Variants in WWOX observed in about 807,000 individuals in gnomAD.
WWOX encodes WW domain containing oxidoreductase, also known as WW domain-containing oxidoreductase.
Under a neutral mutation model 46.2 loss-of-function variants are expected in WWOX, and 69 were observed. That is an observed-to-expected ratio of 1.49 (90% confidence interval 1.23 to 1.82). The LOEUF (loss-of-function observed/expected upper bound fraction) is 1.82. Ranked by LOEUF, WWOX falls within the 40% of genes most tolerant of loss-of-function variation. WWOX has a pLI of 0.00. For synonymous variants in WWOX, 359 were observed against 202.6 expected (o/e 1.77, Z -6.56); for missense variants, 919 against 542.6 (o/e 1.69, Z -6.89).
chr16:78,383,562 G>C (rs2081999919), intron 5 of WWOX, among the ~76,000 whole-genome samples: 1 of 152,158 alleles, frequency 6.6e-6, no homozygotes, highest in Non-Finnish European at 1.5e-5. Context: ...TTTGCAATCT[G>C]TCAGCCACTA....
intron 8 of WWOX, among the ~76,000 whole-genome samples, chr16:79,125,457 A>G (rs2049731922): frequency 6.6e-6 from 1 of 152,208 alleles, no homozygotes. Flanking sequence ...ACAGCTTCTT[A>G]ATTACGCTTT....
intron 8 of WWOX, among the ~76,000 whole-genome samples, chr16:78,707,845 A>G (rs2048356133): frequency 6.7e-5 from 1 of 14,920 alleles, no homozygotes; most frequent in African/African-American, 2.0e-4. Context: ...AAAAATATAA[A>G]TAAATAAATA....
chr16:78,311,525 G>A (rs988478905), intron 5 of WWOX, among the ~76,000 whole-genome samples: 3 of 152,264 alleles, frequency 2.0e-5, no homozygotes, highest in South Asian at 4.1e-4. Context: ...GGGGAGATGC[G>A]TGTTAACTGT....
chr16:78,565,704 A>T (rs1363472821), intron 8 of WWOX, among the ~76,000 whole-genome samples: 1 of 152,166 alleles, frequency 6.6e-6, no homozygotes, highest in Non-Finnish European at 1.5e-5. Context: ...TTACTCTACC[A>T]CAACCACTAA....
chr16:78,190,042 C>G (rs923893830), intron 5 of WWOX, among the ~76,000 whole-genome samples: 12 of 152,156 alleles, frequency 7.9e-5, no homozygotes, highest in Admixed American at 3.3e-4. Flanking sequence ...GCACATGTGT[C>G]CACACTTGGT....
intron 8 of WWOX, among the ~76,000 whole-genome samples, chr16:78,806,606 G>A (rs943442127): frequency 6.6e-6 from 1 of 152,106 alleles, no homozygotes; most frequent in Admixed American, 6.6e-5. Flanking sequence ...TGTACCCTGA[G>A]CTTCCTCACA....
chr16:79,037,553 A>G (rs1348190825), intron 8 of WWOX, among the ~76,000 whole-genome samples: 1 of 152,150 alleles, frequency 6.6e-6, no homozygotes, highest in African/African-American at 2.4e-5. Context: ...GACAGAGACC[A>G]CATTTAAATC....
intron 8 of WWOX, among the ~76,000 whole-genome samples, chr16:78,805,647 A>T (rs2051015255): frequency 6.6e-6 from 1 of 152,148 alleles, no homozygotes; most frequent in African/African-American, 2.4e-5. Flanking sequence ...TTGGATTTTT[A>T]GATTAATCAC....
chr16:78,784,826 C>T (rs952969750), intron 8 of WWOX, among the ~76,000 whole-genome samples: 2 of 152,088 alleles, frequency 1.3e-5, no homozygotes, highest in Non-Finnish European at 2.9e-5. Context: ...CCAAGGATCC[C>T]CAAGGGATAC....
In WWOX at chr16:78,203,770, G is replaced by A. The variant is rs186725366; in HGVS notation, c.516+39481G>A. Among the ~76,000 whole-genome samples the A allele has an allele frequency of 1.3e-3, 205 of 152,240 alleles. 1 individual carries two copies. Among genetic ancestry groups the A allele is most frequent in the African/African-American group, 4.7e-3 (197 of 41,544 alleles). On this transcript the variant is annotated intron_variant, in intron 5 of 8. Transcript: ENST00000566780. ...ATGTTCAAGAAGGTCTTGGGCAAGC[G>A]CGTGCTAGTTATTTTCCTCACTGGT...
At chr16:78,154,746 C>T (rs1402618269) in intron 4 of WWOX, among the ~76,000 whole-genome samples, 2 of 152,110 alleles carry the variant, frequency 1.3e-5, no homozygotes, top group Non-Finnish European at 2.9e-5. Flanking sequence ...CTAATAGTCT[C>T]ACACTTGACA....
At chr16:78,664,332 G>T (rs768601579) in intron 8 of WWOX, among the ~76,000 whole-genome samples, 5 of 152,156 alleles carry the variant, frequency 3.3e-5, no homozygotes, top group Non-Finnish European at 7.4e-5. Context: ...CACCCAGGAG[G>T]CACCCAGTTT....
intron 8 of WWOX, among the ~76,000 whole-genome samples, chr16:79,009,486 T>C (rs1355749027): frequency 2.0e-5 from 3 of 152,044 alleles, no homozygotes; most frequent in Admixed American, 6.6e-5. Context: ...TTTTTTTTTT[T>C]AGATGGACTT....
intron 8 of WWOX, among the ~76,000 whole-genome samples, chr16:78,547,831 C>T (rs530111278): frequency 4.6e-5 from 7 of 152,162 alleles, no homozygotes; most frequent in South Asian, 2.1e-4. Flanking sequence ...AAGGCCCTAC[C>T]TCCTAATATA....
intron 8 of WWOX, among the ~76,000 whole-genome samples, chr16:78,627,707 A>T (rs75634139): frequency 0.019 from 2,845 of 152,334 alleles, 87 homozygotes; most frequent in African/African-American, 0.065. Flanking sequence ...AAATCCTGGG[A>T]AGACTCTGGA....
chr16:79,190,886 C>G (rs1002984470), intron 8 of WWOX, among the ~76,000 whole-genome samples: 4 of 152,166 alleles, frequency 2.6e-5, no homozygotes, highest in Admixed American at 1.3e-4. Flanking sequence ...AATTTGAGGA[C>G]TCTTGAGTTA....
chr16:78,372,460 C>G (rs1264408825), intron 5 of WWOX, among the ~76,000 whole-genome samples: 4 of 152,140 alleles, frequency 2.6e-5, no homozygotes. Context: ...ACATGTTGCT[C>G]CATGACAGTC....
intron 8 of WWOX, among the ~76,000 whole-genome samples, chr16:78,524,394 T>G (rs919156521): frequency 9.4e-5 from 6 of 63,958 alleles, no homozygotes; most frequent in Admixed American, 2.2e-4. Context: ...TTTCATTTAT[T>G]TATTTATTTA....
At chr16:78,184,830 C>G (rs1272493689) in intron 5 of WWOX, among the ~76,000 whole-genome samples, 1 of 152,168 alleles carries the variant, frequency 6.6e-6, no homozygotes, top group Non-Finnish European at 1.5e-5. Flanking sequence ...ACAGGATCAA[C>G]AATGGAATTA....
Sources: allele counts gnomAD v4.1 joint callset (sites outside exome capture counted in the v4.1 genomes callset), GRCh38; gene constraint gnomAD v4.1.1; transcripts MANE v1.5; gene names NCBI Gene and HGNC (gene_info 2026-07-23, HGNC 2026-07-21).